The following HS3ST3A1 variants were observed in gnomAD, a reference collection of about 807,000 sequenced individuals.
HS3ST3A1 encodes heparan sulfate-glucosamine 3-sulfotransferase 3A1.
In HS3ST3A1, 19 loss-of-function variants were observed where a neutral mutation model predicts 25.7. The observed-to-expected ratio is 0.74, with a 90% confidence interval of 0.52 to 1.08. The LOEUF is 1.08. Among genes scored for constraint, HS3ST3A1 ranks in the 50% least tolerant of loss-of-function variants. HS3ST3A1 has a pLI of 0.00. For synonymous variants in HS3ST3A1, 226 were observed against 278.6 expected (o/e 0.81, Z 1.88); for missense variants, 459 against 594.3 (o/e 0.77, Z 2.37).
At chr17:13,505,373 G>T (rs1356108373) in intron 1 of HS3ST3A1, among the ~76,000 whole-genome samples, 1 of 152,168 alleles carries the variant, frequency 6.6e-6, no homozygotes, top group Non-Finnish European at 1.5e-5. Flanking sequence ...GAACTGAGGA[G>T]CTGTATGAAA....
At chr17:13,516,572 T>TAACA (rs1161382836) in intron 1 of HS3ST3A1, among the ~76,000 whole-genome samples, 1 of 152,224 alleles carries the variant, frequency 6.6e-6, no homozygotes, top group Non-Finnish European at 1.5e-5. Context: ...ATAAAGCTTT[T>TAACA]AACAGGCAAG....
intron 1 of HS3ST3A1, among the ~76,000 whole-genome samples, chr17:13,550,192 T>C (rs1211344206): frequency 6.6e-6 from 1 of 152,138 alleles, no homozygotes; most frequent in Non-Finnish European, 1.5e-5. Context: ...TTTTTTAGAG[T>C]GCATGGACTA....
intron 1 of HS3ST3A1, among the ~76,000 whole-genome samples, chr17:13,537,711 AG>A (rs1163377256): frequency 6.6e-6 from 1 of 152,238 alleles, no homozygotes; most frequent in Non-Finnish European, 1.5e-5. Context: ...TTTTCTTTCA[AG>A]TATTAAAGAC....
At chr17:13,528,736 G>T (rs1049225661) in intron 1 of HS3ST3A1, among the ~76,000 whole-genome samples, 2 of 152,186 alleles carry the variant, frequency 1.3e-5, no homozygotes, top group Non-Finnish European at 2.9e-5. Flanking sequence ...ACCACTGGGG[G>T]AACTGAGGAA....
At chr17:13,538,113 C>A (rs1906823539) in intron 1 of HS3ST3A1, among the ~76,000 whole-genome samples, 1 of 152,204 alleles carries the variant, frequency 6.6e-6, no homozygotes, top group Non-Finnish European at 1.5e-5. Context: ...GACACATCAT[C>A]TCTATAGTGT....
intron 1 of HS3ST3A1, among the ~76,000 whole-genome samples, chr17:13,548,332 C>G (rs1306816775): frequency 6.6e-6 from 1 of 152,198 alleles, no homozygotes; most frequent in Admixed American, 6.5e-5. Context: ...AACCCCTGGT[C>G]TCTTCTTTTA....
At chr17:13,586,776 A>G (rs1963228) in intron 1 of HS3ST3A1, among the ~76,000 whole-genome samples, 91,913 of 144,098 alleles carry the variant, frequency 0.64, 30,588 homozygotes, top group East Asian at 0.91. Flanking sequence ...AGGCTGAGGC[A>G]GGAGAATGGC....
At chr17:13,522,853 G>GAGACACACACACAC (rs1555538069) in intron 1 of HS3ST3A1, among the ~76,000 whole-genome samples, 6 of 148,348 alleles carry the variant, frequency 4.0e-5, no homozygotes, top group Non-Finnish European at 8.9e-5. Flanking sequence ...CACACAGAGA[G>GAGACACACACACAC]ACACACACAC....
intron 1 of HS3ST3A1, among the ~76,000 whole-genome samples, chr17:13,570,288 C>G (rs1907769298): frequency 1.4e-5 from 2 of 146,866 alleles, no homozygotes. Flanking sequence ...CTCGTTGTTT[C>G]CTTCTTGAAC....
chr17:13,560,424 C>T (rs1299715471), intron 1 of HS3ST3A1, among the ~76,000 whole-genome samples: 1 of 147,836 alleles, frequency 6.8e-6, no homozygotes, highest in Non-Finnish European at 1.5e-5. Context: ...TGAACTGTAA[C>T]AGAGTTAAAC....
At position 13,592,843 on chromosome 17, in the gene HS3ST3A1, G is replaced by A. The variant is rs577278885; in HGVS notation, c.599+7688C>T. ...GTATTTAAAAACAGAAGCAGAAAACGACAGCACACCACCTAGACAGGAACT... is the reference window on the plus strand; with the variant it reads ...GTATTTAAAAACAGAAGCAGAAAACAACAGCACACCACCTAGACAGGAACT... On this transcript the variant is annotated intron_variant, in intron 1 of 1. Coordinates refer to ENST00000284110, the MANE Select transcript of HS3ST3A1 (RefSeq NM_006042.3). Among the ~76,000 whole-genome samples, 29 of 152,214 alleles carry A rather than the reference G, an allele frequency of 1.9e-4. No individual in the cohort carries two copies. In the South Asian group the frequency reaches 2.3e-3, roughly 12 times the overall value.
At chr17:13,547,942 GCCAA>G (rs1567620531) in intron 1 of HS3ST3A1, among the ~76,000 whole-genome samples, 3 of 108,732 alleles carry the variant, frequency 2.8e-5, no homozygotes, top group Admixed American at 9.6e-5. Context: ...GTTGGTGTGA[GCCAA>G]AAAAAAAAAA....
At chr17:13,578,931 A>G (rs1428228844) in intron 1 of HS3ST3A1, among the ~76,000 whole-genome samples, 2 of 152,214 alleles carry the variant, frequency 1.3e-5, no homozygotes, top group African/African-American at 2.4e-5. Flanking sequence ...TTAAATATAC[A>G]AAATATGCAA....
At chr17:13,530,005 TACACACACAC>T (rs3220827) in intron 1 of HS3ST3A1, among the ~76,000 whole-genome samples, 1 of 149,060 alleles carries the variant, frequency 6.7e-6, no homozygotes, top group Non-Finnish European at 1.5e-5. Flanking sequence ...TTTATGTAAC[TACACACACAC>T]ACACACACAC....
chr17:13,559,913 G>A (rs917151756), intron 1 of HS3ST3A1, among the ~76,000 whole-genome samples: 4 of 151,454 alleles, frequency 2.6e-5, no homozygotes, highest in African/African-American at 9.7e-5. Flanking sequence ...TTTGCAAAAG[G>A]CCCATCTTGT....
intron 1 of HS3ST3A1, among the ~76,000 whole-genome samples, chr17:13,535,304 G>A (rs543324410): frequency 1.3e-5 from 2 of 152,270 alleles, no homozygotes; most frequent in East Asian, 3.9e-4. Flanking sequence ...GCACATCACA[G>A]CCTTCTTGTG....
intron 1 of HS3ST3A1, among the ~76,000 whole-genome samples, chr17:13,510,708 ATTTTTT>A (rs10709522): frequency 6.9e-6 from 1 of 145,074 alleles, no homozygotes; most frequent in African/African-American, 2.5e-5. Flanking sequence ...AGTGTCCTTG[ATTTTTT>A]TTTTTTTTTA....
intron 1 of HS3ST3A1, among the ~76,000 whole-genome samples, chr17:13,504,217 T>G (rs1905581866): frequency 6.6e-6 from 1 of 152,128 alleles, no homozygotes; most frequent in Non-Finnish European, 1.5e-5. Context: ...CTCGGGAGGC[T>G]GAGTCAGGAG....
intron 1 of HS3ST3A1, among the ~76,000 whole-genome samples, chr17:13,551,515 C>T (rs1009290693): frequency 1.5e-4 from 22 of 150,996 alleles, no homozygotes; most frequent in African/African-American, 4.9e-4. Flanking sequence ...TATCACTGTC[C>T]TGTTCAGAAG....
Sources: allele counts gnomAD v4.1 joint callset (sites outside exome capture counted in the v4.1 genomes callset), GRCh38; gene constraint gnomAD v4.1.1; transcripts MANE v1.5; gene names NCBI Gene and HGNC (gene_info 2026-07-23, HGNC 2026-07-21).